Variants in GGT5 observed in about 807,000 individuals in gnomAD.
GGT5 encodes gamma-glutamyltransferase 5.
A neutral mutation model predicts 58.1 loss-of-function variants in GGT5; 50 were observed. That is an observed-to-expected ratio of 0.86 (90% CI 0.69 to 1.09). The LOEUF (loss-of-function observed/expected upper bound fraction) is 1.09, where lower values mean the gene tolerates loss of function less well. Ranked by LOEUF, GGT5 falls within the 50% of genes least tolerant of loss-of-function variation. The pLI is 0.00. For missense variants in GGT5, 800 were observed against 789.4 expected, an observed-to-expected ratio of 1.01 and a Z score of -0.16; for synonymous variants, 370 against 346.1, an observed-to-expected ratio of 1.07 and a Z score of -0.77.
chr22:24,244,328 T>A, intron 1 of GGT5: 2 of 512,784 alleles, frequency 3.9e-6, no homozygotes, highest in Non-Finnish European at 7.0e-6. Context: ...CACCCACACA[T>A]ACACATACCC....
intron 3 of GGT5, 63 bp from the exon 4 acceptor site, chr22:24,233,081 C>A: frequency 8.0e-7 from 1 of 1,252,584 alleles, no homozygotes; most frequent in Non-Finnish European, 1.1e-6. Flanking sequence ...TTGCCATCAC[C>A]CCTACATGTG....
Position 24,219,721 on chromosome 22 carries a change from C to A in GGT5, c.*249G>T. 1.9e-6 allele frequency: 1 copy of A among 518,782 alleles called. No individual in the cohort carries two copies. The allele number at this position is 518,782 out of a possible 1,614,324, so 32.1% of individuals were successfully genotyped here. A position where few individuals can be genotyped will look rare whatever the true frequency, so the allele number is the denominator to read the frequency against. ...ACAGATCGAGAGGGTGGGAGAGTGG[C>A]CCCAGGCAAGAGGCCTGCGGAGGGA... is the stretch of plus-strand genomic sequence containing the variant. On this transcript the variant is annotated 3_prime_UTR_variant, in exon 12 of 12. Coordinates refer to ENST00000327365, the MANE Select transcript of GGT5 (RefSeq NM_004121.5).
At chr22:24,238,856 T>A (rs1209796394) in intron 1 of GGT5, among the ~76,000 whole-genome samples, 141 of 10,928 alleles carry the variant, frequency 0.013, 6 homozygotes, top group African/African-American at 0.015. Flanking sequence ...TTATATATAT[T>A]ATATATATAA....
chr22:24,223,194 G>A (rs138103772), intron 11 of GGT5, among the ~76,000 whole-genome samples: 52 of 152,254 alleles, frequency 3.4e-4, no homozygotes, highest in African/African-American at 1.2e-3. Context: ...TTGAGATTGG[G>A]AGCTCAAGAC....
intron 11 of GGT5, among the ~76,000 whole-genome samples, chr22:24,222,820 A>G (rs7291369): frequency 0.083 from 12,664 of 152,162 alleles, 1,132 homozygotes; most frequent in African/African-American, 0.23. Context: ...GCTCACGCCT[A>G]TAATCCCAGC....
intron 1 of GGT5, 122 bp downstream of exon 1, chr22:24,244,431 T>TACCCAGACACTCACACAC: frequency 1.2e-6 from 1 of 821,766 alleles, no homozygotes; most frequent in Non-Finnish European, 2.0e-6. Flanking sequence ...CAATCACACA[T>TACCCAGACACTCACACAC]ACCCAGACAC....
chr22:24,232,106 C>T lies in GGT5; in HGVS notation c.699G>A (p.Glu233=), dbSNP rs985867978. Residue 233 remains glutamate, a synonymous_variant, in exon 5 of 12, where the codon GAG becomes GAA. Transcript: ENST00000327365. The stretch of plus-strand genomic sequence containing the variant: ...GGCCCAGCCTCCCCGTGTAGAAGAC[C>T]TCCACGCCCTCTGTGGCCACGGTCT... ...TLETVATEGV[E]VFYTGRLGQM... is the part of the protein sequence containing the mutation. The T allele has an allele frequency of 6.2e-7, 1 of 1,612,706 alleles. No homozygotes were observed. Among genetic ancestry groups the T allele is most frequent in the Admixed American group, 1.7e-5 (1 of 59,882 alleles).
intron 1 of GGT5, among the ~76,000 whole-genome samples, chr22:24,239,433 G>C (rs1035619996): frequency 4.6e-5 from 7 of 152,096 alleles, no homozygotes; most frequent in Non-Finnish European, 1.0e-4. Context: ...ATGATATCTT[G>C]TGGGGCTTAA....
At chr22:24,228,599 C>CT (rs1162583274) in intron 6 of GGT5, among the ~76,000 whole-genome samples, 1 of 151,440 alleles carries the variant, frequency 6.6e-6, no homozygotes, top group Non-Finnish European at 1.5e-5. Context: ...TACAGGTGCC[C>CT]GCCACCACGC....
At chr22:24,227,585 T>C (rs1258420973) in intron 6 of GGT5, among the ~76,000 whole-genome samples, 1 of 152,104 alleles carries the variant, frequency 6.6e-6, no homozygotes, top group East Asian at 1.9e-4. Context: ...GAGATGATCC[T>C]GGATTATCTA....
Position 24,225,613 on chromosome 22 carries a change from G to C in GGT5, c.1269C>G (p.Ile423Met). Residue 423 changes from isoleucine to methionine, a missense_variant, in exon 9 of 12, where the codon ATC (isoleucine) becomes ATG (methionine). By Grantham distance (10) the Ile-to-Met change is conservative. Coordinates refer to ENST00000327365, the MANE Select transcript of GGT5 (RefSeq NM_004121.5). ...AMVYSPRTGI[I>M]LNNELLDLCE... Reference sequence around the variant, plus strand: ...ATAAGTCCAGGAGCTCGTTGTTGAGGATGATGCCTGTCCGTGGTGAATACA... The same window carrying C: ...ATAAGTCCAGGAGCTCGTTGTTGAGCATGATGCCTGTCCGTGGTGAATACA... 6.2e-7 allele frequency: 1 copy of C among 1,613,302 alleles called. No homozygotes were observed. The highest frequency in any genetic ancestry group is 8.5e-7 in the Non-Finnish European group (1 of 1,179,242).
intron 1 of GGT5, among the ~76,000 whole-genome samples, chr22:24,236,275 G>A (rs1438904486): frequency 2.6e-5 from 4 of 151,960 alleles, no homozygotes; most frequent in African/African-American, 4.8e-5. Context: ...TTTGCTCAGC[G>A]CCTACACCCT....
chr22:24,236,554 G>A (rs146339428), intron 1 of GGT5, among the ~76,000 whole-genome samples: 1,562 of 152,158 alleles, frequency 0.01, 29 homozygotes, highest in African/African-American at 0.036. Flanking sequence ...ATGAGGTCAG[G>A]AGATTGAGAC....
rs185442463 is a variant in GGT5 at position 24,232,661 on chromosome 22, G to T, written c.596+162C>A. Among the ~76,000 whole-genome samples the T allele has an allele frequency of 2.6e-3, 399 of 152,236 alleles. 3 individuals are homozygous for T. Among genetic ancestry groups the T allele is most frequent in the African/African-American group, 9.3e-3 (387 of 41,518 alleles). On this transcript the variant is annotated intron_variant, in intron 4 of 11. Transcript: ENST00000327365. ...CTAACCCCAAGTTAGGCTCTGCCACGGGGAGCTGGAAGGGCCATGAAAAGT... is the reference window on the plus strand; with the variant it reads ...CTAACCCCAAGTTAGGCTCTGCCACTGGGAGCTGGAAGGGCCATGAAAAGT...
intron 6 of GGT5, among the ~76,000 whole-genome samples, chr22:24,229,869 A>G (rs900772769): frequency 6.6e-6 from 1 of 151,752 alleles, no homozygotes; most frequent in Admixed American, 6.6e-5. Context: ...AAAGAAAAAA[A>G]AAAGAAATCA....
chr22:24,228,356 A>G (rs918111141), intron 6 of GGT5, among the ~76,000 whole-genome samples: 8 of 152,106 alleles, frequency 5.3e-5, no homozygotes, highest in Non-Finnish European at 1.2e-4. Context: ...CACAAAAAAT[A>G]CTTCTGCAAA....
Position 24,226,277 on chromosome 22 carries a change from T to TGGGCA in GGT5, c.1039-16_1039-12dup. On this transcript the variant is annotated splice_polypyrimidine_tract_variant and intron_variant, in intron 7 of 11. Transcript: ENST00000327365. ...GTCCCGGGAGGCATTCTGGGGTGGG[T>TGGGCA]GGGCAGGTGGCAGGGTCAGTGAGGG... 6.3e-7 allele frequency: 1 copy of TGGGCA among 1,579,570 alleles called. No individual in the cohort carries two copies. Among genetic ancestry groups the TGGGCA allele is most frequent in the South Asian group, 1.1e-5 (1 of 88,894 alleles).
chr22:24,226,510 G>A, intron 7 of GGT5, 121 bp downstream of exon 7: 1 of 1,110,556 alleles, frequency 9.0e-7, no homozygotes, highest in East Asian at 2.4e-5. Flanking sequence ...GTCCTGCCCT[G>A]GCCTAGAACC....
rs61284792 is a variant in GGT5 at position 24,238,943 on chromosome 22, TATATATATATATATA to T, written c.174-4954_174-4940del. ...TATATATAATATATATTATATAATATATATATATATATATAATATATATATAGCCCATGACACAGT... is the reference window on the plus strand; with the variant it reads ...TATATATAATATATATTATATAATATATATATATATAGCCCATGACACAGT... On this transcript the variant is annotated intron_variant, in intron 1 of 11. Transcript: ENST00000327365. Among the ~76,000 whole-genome samples, 198 of 39,070 alleles carry T rather than the reference TATATATATATATATA, an allele frequency of 5.1e-3. 20 individuals carry two copies. The highest frequency in any genetic ancestry group is 7.4e-3 in the Non-Finnish European group (162 of 21,880). The allele number at this position is 39,070 out of a possible 152,430, so 25.6% of individuals were successfully genotyped here.
Sources: gnomAD v4.1 joint callset for allele counts (sites outside exome capture counted in the v4.1 genomes callset) on GRCh38, gnomAD v4.1.1 for gene constraint, MANE v1.5 for transcripts, NCBI Gene and HGNC (gene_info 2026-07-23, HGNC 2026-07-21) for gene names.